INO80C: variants seen among roughly 807,000 people sequenced by gnomAD.
INO80C encodes the protein IES6 homolog.
INO80C carries 17 observed loss-of-function variants against 17.7 expected under a neutral mutation model. The ratio of observed to expected loss-of-function variants is 0.96; its 90% CI spans 0.66 to 1.44. The LOEUF (loss-of-function observed/expected upper bound fraction) is 1.44, where lower values mean the gene tolerates loss of function less well. Among genes scored for constraint, INO80C ranks in the 40% most tolerant of loss-of-function variants. The pLI is 0.00. For synonymous variants in INO80C, 96 were observed against 95.8 expected, an observed-to-expected ratio of 1.00 and a Z score of -0.01; for missense variants, 244 against 245.0, an observed-to-expected ratio of 1.00 and a Z score of 0.03.
At position 35,474,207 on chromosome 18, in the gene INO80C, CTATATATATATATATATA is replaced by C. The variant is rs58465669; in HGVS notation, c.447+4057_447+4074del. ...TATATGTGTATATGTGTGTGTGTGTCTATATATATATATATATATATATATATATATATATATACTTAA... is the reference window on the plus strand; with the variant it reads ...TATATGTGTATATGTGTGTGTGTGTCTATATATATATATATATATACTTAA... On this transcript the variant is annotated intron_variant, in intron 4 of 4. Coordinates refer to ENST00000334598, the MANE Select transcript of INO80C (RefSeq NM_194281.4). 8.6e-4 allele frequency among the ~76,000 whole-genome samples: 50 copies of C among 58,046 alleles called. 1 individual carries two copies. Among genetic ancestry groups the C allele is most frequent in the African/African-American group, 1.4e-3 (22 of 16,250 alleles). 38.1% of individuals were successfully genotyped at this position (58,046 alleles called of 152,430 possible). A position where few individuals can be genotyped will look rare whatever the true frequency, so the allele number is the denominator to read the frequency against.
intron 1 of INO80C, among the ~76,000 whole-genome samples, chr18:35,486,309 C>T (rs1043845285): frequency 1.2e-4 from 18 of 152,190 alleles, no homozygotes; most frequent in African/African-American, 4.3e-4. Context: ...TACGTAGTCA[C>T]ATTCAGAGAC....
intron 4 of INO80C, among the ~76,000 whole-genome samples, chr18:35,470,228 T>C (rs911398164): frequency 6.6e-6 from 1 of 152,182 alleles, no homozygotes; most frequent in Non-Finnish European, 1.5e-5. Flanking sequence ...GGAACTTATT[T>C]ATAGGCTTCT....
intron 4 of INO80C, among the ~76,000 whole-genome samples, chr18:35,469,113 G>A (rs527829388): frequency 6.6e-6 from 1 of 152,068 alleles, no homozygotes; most frequent in Non-Finnish European, 1.5e-5. Flanking sequence ...GGCAGGAGCC[G>A]ACGCCCAGCA....
intron 1 of INO80C, among the ~76,000 whole-genome samples, chr18:35,481,656 G>T (rs947851720): frequency 2.0e-5 from 3 of 152,196 alleles, no homozygotes; most frequent in Non-Finnish European, 4.4e-5. Flanking sequence ...GGCTGAGGTG[G>T]TTGGATCACT....
At chr18:35,491,764 C>G (rs1316100568) in intron 1 of INO80C, among the ~76,000 whole-genome samples, 1 of 152,164 alleles carries the variant, frequency 6.6e-6, no homozygotes, top group Non-Finnish European at 1.5e-5. Flanking sequence ...GCATCATTTC[C>G]ATATTACTAA....
chr18:35,489,403 AAG>A (rs1280198291), intron 1 of INO80C: 6 of 229,130 alleles, frequency 2.6e-5, no homozygotes, highest in East Asian at 1.5e-4. Flanking sequence ...GGCAGCAGGC[AAG>A]AGAGAGAATG....
rs200263588 is a variant in INO80C at position 35,497,704 on chromosome 18, A to T, written c.156+15T>A. The T allele has an allele frequency of 1.6e-3, 2,608 of 1,608,570 alleles. 39 individuals carry two copies. The African/African-American group carries it at 0.031, about 19-fold the overall frequency. ...TCGCGACGCGCACGCGCAGCCTGGG[A>T]GCGCGACTGCGTACCTGCGCAAAGC... On this transcript the variant is annotated intron_variant, in intron 1 of 4. Transcript: ENST00000334598.
chr18:35,479,473 T>A lies in INO80C; in HGVS notation c.268-62A>T, dbSNP rs187719922. 71 of 957,920 alleles carry A rather than the reference T, an allele frequency of 7.4e-5. No individual in the cohort carries two copies. In the East Asian group the frequency reaches 1.5e-3, roughly 20 times the overall value. The allele number at this position is 957,920 out of a possible 1,614,324, so 59.3% of individuals were successfully genotyped here. ...CAATGGAGACTACCATTTCGACATC[T>A]GACATTTATGCCTAATCATAACTGT... is the stretch of plus-strand genomic sequence containing the variant. On this transcript the variant is annotated intron_variant, in intron 2 of 4. Coordinates refer to ENST00000334598, the MANE Select transcript of INO80C (RefSeq NM_194281.4).
chr18:35,476,931 A>G (rs1345611755), intron 4 of INO80C, among the ~76,000 whole-genome samples: 1 of 152,202 alleles, frequency 6.6e-6, no homozygotes, highest in Non-Finnish European at 1.5e-5. Flanking sequence ...ATCCACTTTA[A>G]ATATATAGAT....
In INO80C at chr18:35,468,704, G is replaced by C. The variant is rs2045633296; in HGVS notation, c.486C>G (p.Ser162Arg). ...GAATGTAGGAAAACTCTTCAATGGT[G>C]CTGAACCGCAGTTTGCTCTGGGGGT... Reference protein sequence around the residue: ...YTDPQSKLRFSTIEEFSYIRR... With the variant: ...YTDPQSKLRFRTIEEFSYIRR... The change falls in exon 5 of 5, where the codon AGC becomes AGG. Residue 162 changes from serine (S) to arginine (R), a missense_variant. Ser to Arg is a moderately radical substitution (Grantham distance 110). Transcript: ENST00000334598. 1.9e-6 allele frequency: 3 copies of C among 1,614,200 alleles called. No individual in the cohort carries two copies. Among genetic ancestry groups the C allele is most frequent in the Non-Finnish European group, 2.5e-6 (3 of 1,180,034 alleles).
rs781610675 is a variant in INO80C, at chr18:35,497,769, C to T, written c.106G>A (p.Gly36Ser). The change falls in exon 1 of 5, where the codon GGC (glycine) becomes AGC (serine). Residue 36 changes from glycine (G) to serine (S), a missense_variant. By Grantham distance (56) the Gly-to-Ser change is moderately conservative. Transcript: ENST00000334598. The part of the protein sequence containing the change: ...SPSHNGSSGG[G>S]YGASKKKKAS... ...TTTTTCTTCTTACTGGCGCCATAGC[C>T]CCCGCCGCTGCTGCCATTGTGGGAA... The T allele has an allele frequency of 2.3e-5, 37 of 1,613,122 alleles. No individual in the cohort carries two copies. The South Asian group carries it at 3.5e-4, about 15-fold the overall frequency.
At chr18:35,493,923 C>T (rs2045954858) in intron 1 of INO80C, among the ~76,000 whole-genome samples, 1 of 152,188 alleles carries the variant, frequency 6.6e-6, no homozygotes, top group African/African-American at 2.4e-5. Context: ...AAAATCTCCT[C>T]TAACTCAAGA....
chr18:35,491,856 C>T (rs1160216270), intron 1 of INO80C, among the ~76,000 whole-genome samples: 1 of 152,186 alleles, frequency 6.6e-6, no homozygotes, highest in Non-Finnish European at 1.5e-5. Context: ...GGAAGGAACG[C>T]CTAGCACTAA....
At chr18:35,486,072 T>C (rs531313215) in intron 1 of INO80C, among the ~76,000 whole-genome samples, 16 of 152,374 alleles carry the variant, frequency 1.1e-4, no homozygotes, top group Admixed American at 4.6e-4. Context: ...GCTATGATTG[T>C]GCCACTGCCT....
intron 1 of INO80C, among the ~76,000 whole-genome samples, chr18:35,485,710 C>T (rs2045866182): frequency 6.6e-6 from 1 of 152,136 alleles, no homozygotes; most frequent in African/African-American, 2.4e-5. Context: ...TAGGTATACA[C>T]TCAAAGAGAA....
At chr18:35,478,732 G>A (rs1251993396) in intron 3 of INO80C, among the ~76,000 whole-genome samples, 1 of 152,198 alleles carries the variant, frequency 6.6e-6, no homozygotes, top group Non-Finnish European at 1.5e-5. Flanking sequence ...ACACCCAGAC[G>A]AATGAATGAC....
intron 1 of INO80C, among the ~76,000 whole-genome samples, chr18:35,481,770 G>C (rs374470135): frequency 6.6e-6 from 1 of 152,300 alleles, no homozygotes; most frequent in Admixed American, 6.5e-5. Flanking sequence ...TGTAGACCCA[G>C]CTACTCGGGA....
chr18:35,474,522 T>C (rs2045711660), intron 4 of INO80C, among the ~76,000 whole-genome samples: 1 of 151,026 alleles, frequency 6.6e-6, no homozygotes, highest in Non-Finnish European at 1.5e-5. Context: ...ACCCCTTCTC[T>C]ATAAAAAAAA....
chr18:35,473,671 T>C (rs1325167427), intron 4 of INO80C, among the ~76,000 whole-genome samples: 2 of 152,116 alleles, frequency 1.3e-5, no homozygotes, highest in African/African-American at 4.8e-5. Flanking sequence ...CCAGCCAGAA[T>C]AGAGAGATCT....
Sources: gnomAD v4.1 joint callset for allele counts (sites outside exome capture counted in the v4.1 genomes callset) on GRCh38, gnomAD v4.1.1 for gene constraint, MANE v1.5 for transcripts, NCBI Gene and HGNC (gene_info 2026-07-23, HGNC 2026-07-21) for gene names.